The following RHOXF1 variants were observed in gnomAD, a reference collection of about 807,000 sequenced individuals.
RHOXF1 encodes the protein Rhox homeobox family member 1.
RHOXF1 carries 1 observed loss-of-function variant against 9.7 expected under a neutral mutation model. That is an observed-to-expected ratio of 0.10 (90% CI 0.04 to 0.49). RHOXF1 has a LOEUF of 0.49. RHOXF1 is among the 20% of genes least tolerant of loss of function. The pLI, the probability that RHOXF1 is intolerant of heterozygous loss-of-function variation, is 0.95. For synonymous variants in RHOXF1, 72 were observed against 70.2 expected, an observed-to-expected ratio of 1.03 and a Z score of -0.13; for missense variants, 179 against 168.0, an observed-to-expected ratio of 1.07 and a Z score of -0.36.
intron 2 of RHOXF1, among the ~76,000 whole-genome samples, 164 bp from the exon 3 acceptor site, chrX:120,109,466 C>T (rs1555999469): frequency 1.8e-5 from 2 of 111,612 alleles, no homozygotes; most frequent in African/African-American, 6.5e-5. Context: ...CAACATAGCC[C>T]GTGGCCCTTC....
At chrX:120,111,698 T>C (rs1374302626) in intron 2 of RHOXF1, among the ~76,000 whole-genome samples, 7 of 112,023 alleles carry the variant, frequency 6.2e-5, no homozygotes, top group Admixed American at 2.8e-4. Flanking sequence ...AAAAGAAATA[T>C]AAATCCTTAG....
chrX:120,114,858 T>G (rs781926670), intron 1 of RHOXF1, among the ~76,000 whole-genome samples: 1 of 112,327 alleles, frequency 8.9e-6, no homozygotes, highest in East Asian at 2.8e-4. Flanking sequence ...TGCACCTGTA[T>G]CTATAAAATG....
intron 1 of RHOXF1, among the ~76,000 whole-genome samples, chrX:120,114,587 A>AAAAG (rs201349153): frequency 6.3e-5 from 7 of 111,475 alleles, no homozygotes; most frequent in South Asian, 3.8e-4. Context: ...TAACCAAAAA[A>AAAAG]AAAGAAAGAA....
intron 2 of RHOXF1, 124 bp from the exon 3 acceptor site, chrX:120,109,426 C>T (rs2057255200): frequency 2.4e-6 from 1 of 423,899 alleles, no homozygotes; most frequent in Non-Finnish European, 4.2e-6. Context: ...AAGCTATTTC[C>T]TCATTGCTAA....
chrX:120,119,826 G>T (rs782567397), upstream of RHOXF1: 1 of 111,894 alleles, frequency 8.9e-6, no homozygotes, highest in Non-Finnish European at 1.9e-5. Context: ...TTTTAAAAGT[G>T]AATTGTTTAA....
intron 1 of RHOXF1, 64 bp from the exon 2 acceptor site, chrX:120,112,978 T>C: frequency 1.3e-6 from 1 of 746,759 alleles, no homozygotes; most frequent in South Asian, 2.6e-5. Context: ...ATATATAGTA[T>C]GTACTATTTA....
intron 1 of RHOXF1, among the ~76,000 whole-genome samples, chrX:120,114,969 A>G (rs934650515): frequency 1.2e-4 from 14 of 112,310 alleles, no homozygotes; most frequent in African/African-American, 3.6e-4. Context: ...CAGTGACAAA[A>G]ATGCAAATAC....
Position 120,115,539 on chromosome X carries a change from C to T in RHOXF1, c.324G>A (p.Thr108=), listed in dbSNP as rs1556000389. The change falls in exon 1 of 3, where the codon ACG becomes ACA. Residue 108 remains threonine, a synonymous_variant. Transcript: ENST00000217999. ...CCTCCACCTGCAACAGCGTGAACTT[C>T]GTGCGCCGAGTTCGTGGCTGCATGT... ...PENMQPRTRR[T]KFTLLQVEEL... 6 of 1,138,839 alleles carry T rather than the reference C, an allele frequency of 5.3e-6. No homozygotes were observed. The South Asian group carries it at 1.1e-4, about 20-fold the overall frequency. The allele number at this position is 1,138,839 out of a possible 1,213,427, so 93.9% of individuals were successfully genotyped here. A position where few individuals can be genotyped will look rare whatever the true frequency, so the allele number is the denominator to read the frequency against.
At chrX:120,117,941 G>A (rs192664704), upstream of RHOXF1, 3 of 111,388 alleles carry the variant, frequency 2.7e-5, no homozygotes, top group East Asian at 5.6e-4. Flanking sequence ...ACAGTGTCTC[G>A]ATCATAGGGT....
At chrX:120,115,222 G>A (rs1436910635) in intron 1 of RHOXF1, among the ~76,000 whole-genome samples, 3 of 111,884 alleles carry the variant, frequency 2.7e-5, no homozygotes, top group East Asian at 5.6e-4. Context: ...TCATATTTCC[G>A]TGTATTTTAC....
At chrX:120,118,219 T>G (rs782192418), upstream of RHOXF1, among the ~76,000 whole-genome samples, 1 of 111,719 alleles carries the variant, frequency 9.0e-6, no homozygotes, top group South Asian at 3.8e-4. Flanking sequence ...GTGACTTGCT[T>G]CGGATGTCTT....
At chrX:120,117,138 C>T (rs1556000775), upstream of RHOXF1, among the ~76,000 whole-genome samples, 1 of 111,001 alleles carries the variant, frequency 9.0e-6, no homozygotes, top group Admixed American at 9.5e-5. Context: ...CTGCACTAGT[C>T]CCAGCTACTC....
chrX:120,115,016 C>G (rs2147139531), intron 1 of RHOXF1, among the ~76,000 whole-genome samples: 1 of 111,576 alleles, frequency 9.0e-6, no homozygotes, highest in East Asian at 2.8e-4. Context: ...CTAGAGTAGT[C>G]AAAATCATAG....
chrX:120,113,173 A>T (rs2057278339), intron 1 of RHOXF1, among the ~76,000 whole-genome samples: 1 of 110,011 alleles, frequency 9.1e-6, no homozygotes, highest in Admixed American at 9.7e-5. Flanking sequence ...ACAAGGTCTC[A>T]CTCTGTCTCC....
intron 2 of RHOXF1, among the ~76,000 whole-genome samples, chrX:120,112,392 A>AATGTATAATACACATATG: frequency 2.1e-5 from 1 of 47,447 alleles, no homozygotes; most frequent in African/African-American, 4.5e-5. Flanking sequence ...ATATGTATAT[A>AATGTATAATACACATATG]TGTATGATAT....
chrX:120,115,249 G>C (rs2057288144), intron 1 of RHOXF1, among the ~76,000 whole-genome samples: 1 of 111,666 alleles, frequency 9.0e-6, no homozygotes, highest in Non-Finnish European at 1.9e-5. Context: ...TTTATAAAAG[G>C]GAGGCACGGA....
At chrX:120,109,417 A>G in intron 2 of RHOXF1, 115 bp from the exon 3 acceptor site, 1 of 438,923 alleles carries the variant, frequency 2.3e-6, no homozygotes, top group Non-Finnish European at 4.0e-6. Context: ...CATCAGGAAA[A>G]GCTATTTCCT....
intron 2 of RHOXF1, 130 bp downstream of exon 2, chrX:120,112,739 C>T (rs1259242241): frequency 2.4e-6 from 1 of 413,503 alleles, no homozygotes; most frequent in Non-Finnish European, 4.1e-6. Context: ...ACTTATTTGT[C>T]AACATAAAAA....
At chrX:120,110,714 T>C (rs896401863) in intron 2 of RHOXF1, among the ~76,000 whole-genome samples, 3 of 112,544 alleles carry the variant, frequency 2.7e-5, no homozygotes, top group Non-Finnish European at 5.6e-5. Flanking sequence ...GATGTCACTA[T>C]CCTCTCAGCA....
Sources: allele counts gnomAD v4.1 joint callset (sites outside exome capture counted in the v4.1 genomes callset), GRCh38; gene constraint gnomAD v4.1.1; transcripts MANE v1.5; gene names NCBI Gene and HGNC (gene_info 2026-07-23, HGNC 2026-07-21).